Variants in PPP1R12A observed in about 807,000 individuals in gnomAD.
The protein encoded by PPP1R12A is protein phosphatase 1 regulatory subunit 12A.
PPP1R12A carries 19 observed loss-of-function variants against 139.6 expected under a neutral mutation model. The observed-to-expected ratio is 0.14, with a 90% confidence interval of 0.09 to 0.20. PPP1R12A has a LOEUF of 0.20. PPP1R12A is among the 10% of genes least tolerant of loss of function. The probability of loss-of-function intolerance (pLI) is 1.00; values close to 1 mark genes in which losing one functional copy is unlikely to be tolerated. For synonymous variants in PPP1R12A, 427 were observed against 420.6 expected (o/e 1.02, Z -0.19); for missense variants, 925 against 1,211.5 (o/e 0.76, Z 3.51).
At position 79,828,468 on chromosome 12, in the gene PPP1R12A, A is replaced by G. The variant is rs1565763345; in HGVS notation, c.648-4T>C. ...ATAGCCTGCCTGTATTAAAAGTCTAAAGAAATTACAGTGAATTAGACAATC... is the reference window on the plus strand; with the variant it reads ...ATAGCCTGCCTGTATTAAAAGTCTAGAGAAATTACAGTGAATTAGACAATC... On this transcript the variant is annotated splice_region_variant and splice_polypyrimidine_tract_variant and intron_variant, in intron 4 of 24. Coordinates refer to ENST00000450142, the MANE Select transcript of PPP1R12A (RefSeq NM_002480.3). The G allele has an allele frequency of 6.3e-7, 1 of 1,585,682 alleles. No homozygotes were observed. The highest frequency in any genetic ancestry group is 8.6e-7 in the Non-Finnish European group (1 of 1,160,576).
intron 2 of PPP1R12A, among the ~76,000 whole-genome samples, chr12:79,854,830 C>G (rs1038340343): frequency 4.6e-5 from 7 of 152,008 alleles, no homozygotes; most frequent in African/African-American, 1.7e-4. Context: ...CACCACCAGG[C>G]CCAGCTGATT....
At chr12:79,885,661 G>C (rs539770096) in intron 1 of PPP1R12A, among the ~76,000 whole-genome samples, 25 of 152,174 alleles carry the variant, frequency 1.6e-4, no homozygotes, top group Admixed American at 1.4e-3. Context: ...GAAGAGCAAA[G>C]CAAAAGAAAA....
intron 2 of PPP1R12A, among the ~76,000 whole-genome samples, chr12:79,871,806 T>C (rs1321510409): frequency 1.3e-5 from 2 of 152,084 alleles, no homozygotes; most frequent in Non-Finnish European, 2.9e-5. Flanking sequence ...AGTAAAGAAC[T>C]TGAGAATCAC....
At chr12:79,927,786 T>A (rs1390827668) in intron 1 of PPP1R12A, among the ~76,000 whole-genome samples, 1 of 152,266 alleles carries the variant, frequency 6.6e-6, no homozygotes, top group Non-Finnish European at 1.5e-5. Flanking sequence ...GATTAAGTCA[T>A]GGCTACTACA....
chr12:79,905,931 A>T (rs1402738545), intron 1 of PPP1R12A, among the ~76,000 whole-genome samples: 4 of 152,220 alleles, frequency 2.6e-5, no homozygotes, highest in Non-Finnish European at 5.9e-5. Context: ...AACTGGTGCG[A>T]AACTTTGAAA....
chr12:79,909,349 C>T (rs1350978402), intron 1 of PPP1R12A, among the ~76,000 whole-genome samples: 3 of 152,160 alleles, frequency 2.0e-5, no homozygotes, highest in African/African-American at 7.2e-5. Flanking sequence ...CCTCTGAAGT[C>T]TCAAAGATGT....
chr12:79,789,546 C>G (rs1337127989), intron 20 of PPP1R12A: 1 of 409,636 alleles, frequency 2.4e-6, no homozygotes, highest in African/African-American at 2.1e-5. Context: ...AAAAACATAT[C>G]TTACTGGTAA....
chr12:79,803,263 C>A (rs1873418344), intron 14 of PPP1R12A, among the ~76,000 whole-genome samples: 1 of 152,176 alleles, frequency 6.6e-6, no homozygotes, highest in South Asian at 2.1e-4. Context: ...GGGTACCTAT[C>A]TAGAGGAGAC....
At chr12:79,794,274 T>A (rs1007710313) in intron 18 of PPP1R12A, among the ~76,000 whole-genome samples, 1 of 152,086 alleles carries the variant, frequency 6.6e-6, no homozygotes, top group Non-Finnish European at 1.5e-5. Context: ...TGTATGATTT[T>A]CCCTCTCTTT....
chr12:79,902,058 G>A (rs563005244), intron 1 of PPP1R12A, among the ~76,000 whole-genome samples: 7 of 152,246 alleles, frequency 4.6e-5, no homozygotes, highest in African/African-American at 1.4e-4. Context: ...CAAGAGAAGA[G>A]ACTACAAAAG....
intron 1 of PPP1R12A, among the ~76,000 whole-genome samples, chr12:79,901,241 T>G (rs1885616021): frequency 6.6e-6 from 1 of 152,116 alleles, no homozygotes; most frequent in Non-Finnish European, 1.5e-5. Flanking sequence ...AAAATTTTAG[T>G]AGTAATCACA....
chr12:79,807,648 T>A (rs930411238), intron 11 of PPP1R12A, among the ~76,000 whole-genome samples: 1 of 151,908 alleles, frequency 6.6e-6, no homozygotes, highest in South Asian at 2.1e-4. Flanking sequence ...ACAAAAAAAA[T>A]GCTTATTAAA....
In PPP1R12A at chr12:79,775,679, T is replaced by C. The variant is rs777280603; in HGVS notation, c.*250A>G. ...TTTCTCAGTCATTAAAAAAAAATCT[T>C]CTCAGCAGCTGCATTAACATGAAAC... On this transcript the variant is annotated 3_prime_UTR_variant, in exon 25 of 25. Coordinates refer to ENST00000450142, the MANE Select transcript of PPP1R12A (RefSeq NM_002480.3). The C allele has an allele frequency of 4.1e-5, 11 of 270,614 alleles. No individual in the cohort carries two copies. The Admixed American group carries it at 4.7e-4, about 11-fold the overall frequency. The allele number at this position is 270,614 out of a possible 1,614,324, so 16.8% of individuals were successfully genotyped here. A position where few individuals can be genotyped will look rare whatever the true frequency, so the allele number is the denominator to read the frequency against.
intron 1 of PPP1R12A, among the ~76,000 whole-genome samples, chr12:79,926,576 T>C (rs1408194654): frequency 3.3e-5 from 5 of 152,350 alleles, no homozygotes; most frequent in Non-Finnish European, 5.9e-5. Flanking sequence ...GCTTTTTTAT[T>C]AGGACATTTT....
At chr12:79,795,825 TA>T in intron 17 of PPP1R12A, 66 bp from the exon 18 acceptor site, 2 of 1,518,354 alleles carry the variant, frequency 1.3e-6, no homozygotes, top group Non-Finnish European at 1.8e-6. Context: ...AAGGTAATTG[TA>T]AAAACAATGG....
intron 1 of PPP1R12A, among the ~76,000 whole-genome samples, chr12:79,891,122 T>C (rs1453310899): frequency 2.0e-5 from 3 of 152,090 alleles, no homozygotes; most frequent in Non-Finnish European, 2.9e-5. Flanking sequence ...AAGATATGTA[T>C]AAGAGAGACT....
chr12:79,786,595 G>T, intron 21 of PPP1R12A, 117 bp from the exon 22 acceptor site: 1 of 594,168 alleles, frequency 1.7e-6, no homozygotes, highest in Non-Finnish European at 2.7e-6. Context: ...AGCTATAAAG[G>T]ATACATTTAA....
rs769797583 is a variant in PPP1R12A at position 79,806,246 on chromosome 12, C to G, written c.1743G>C (p.Gly581=). 1 of 1,613,902 alleles carries G rather than the reference C, an allele frequency of 6.2e-7. No individual in the cohort carries two copies. The highest frequency in any genetic ancestry group is 1.1e-5 in the South Asian group (1 of 91,080). ...TSTPTVTSAA[G]LQKSLLSSTS... is the part of the protein sequence containing the mutation. ...TGCTGGAAAGCAGGCTTTTCTGAAG[C>G]CCAGCTGCAGAGGTAACTGTTGGTG... Residue 581 remains glycine (G), a synonymous_variant, in exon 13 of 25, where the codon GGG becomes GGC. Coordinates refer to ENST00000450142, the MANE Select transcript of PPP1R12A (RefSeq NM_002480.3).
At chr12:79,899,233 AATATATATATATATATATAT>A (rs58319454) in intron 1 of PPP1R12A, among the ~76,000 whole-genome samples, 1,634 of 141,886 alleles carry the variant, frequency 0.012, 41 homozygotes, top group African/African-American at 0.036. Context: ...AGATCTTAAA[AATATATATATATATATATAT>A]ATATATATAT....
Sources: gnomAD v4.1 joint callset for allele counts (sites outside exome capture counted in the v4.1 genomes callset) on GRCh38, gnomAD v4.1.1 for gene constraint, MANE v1.5 for transcripts, NCBI Gene and HGNC (gene_info 2026-07-23, HGNC 2026-07-21) for gene names.